Variants in UCHL5 observed in about 807,000 individuals in gnomAD.
UCHL5 encodes the protein ubiquitin carboxyl-terminal hydrolase isozyme L5.
In UCHL5, 34 loss-of-function variants were observed where a neutral mutation model predicts 53.8. The observed-to-expected ratio is 0.63, with a 90% CI of 0.48 to 0.84. The LOEUF is 0.84. Ranked by LOEUF, UCHL5 falls within the 40% of genes least tolerant of loss-of-function variation. UCHL5 has a pLI of 0.00. For missense variants in UCHL5, 290 were observed against 385.6 expected (o/e 0.75, Z 2.08); for synonymous variants, 111 against 126.3 (o/e 0.88, Z 0.81).
Position 193,049,828 on chromosome 1 carries a change from A to G in UCHL5, c.164T>C (p.Leu55Pro). The G allele has an allele frequency of 1.2e-6, 2 of 1,611,734 alleles. No individual in the cohort carries two copies. The highest frequency in any genetic ancestry group is 1.7e-6 in the Non-Finnish European group (2 of 1,178,390). Residue 55 changes from leucine (L) to proline (P), a missense_variant, in exon 3 of 11, where the codon CTT (leucine) becomes CCT (proline). Coordinates refer to ENST00000367454, the MANE Select transcript of UCHL5 (RefSeq NM_001199261.3). ...TTCTTCTCCTGGCTGCCACTTGAAAAGAAAAATTAACCCATGAACTGGCCT... is the reference window on the plus strand; with the variant it reads ...TTCTTCTCCTGGCTGCCACTTGAAAGGAAAAATTAACCCATGAACTGGCCT... ...KLKPVHGLIF[L>P]FKWQPGEEPA...
intron 10 of UCHL5, among the ~76,000 whole-genome samples, 174 bp downstream of exon 10, chr1:193,020,923 A>G (rs1656760818): frequency 6.6e-6 from 1 of 152,036 alleles, no homozygotes; most frequent in Admixed American, 6.6e-5. Flanking sequence ...TTTTTGTTTT[A>G]CAGTCTCAAT....
chr1:193,029,465 A>T lies in UCHL5; in HGVS notation c.373-16T>A. The T allele has an allele frequency of 1.2e-6, 2 of 1,613,396 alleles. No homozygotes were observed. Among genetic ancestry groups the T allele is most frequent in the Non-Finnish European group, 1.7e-6 (2 of 1,179,704 alleles). Reference sequence around the variant, plus strand: ...AGCCTTTCATCTAAAATAATTTTTTAAAGTAGCCTATTAATATACAAACTT... The same window carrying T: ...AGCCTTTCATCTAAAATAATTTTTTTAAGTAGCCTATTAATATACAAACTT... On this transcript the variant is annotated splice_polypyrimidine_tract_variant and intron_variant, in intron 4 of 10. Coordinates refer to ENST00000367454, the MANE Select transcript of UCHL5 (RefSeq NM_001199261.3).
At chr1:193,019,774 A>T in intron 10 of UCHL5, 2 of 740,418 alleles carry the variant, frequency 2.7e-6, no homozygotes, top group Non-Finnish European at 3.3e-6. Flanking sequence ...TGGTTCTTTT[A>T]CTTACTAATT....
rs1408168882 is a variant in UCHL5, at chr1:193,027,925, C to T, written c.629+160G>A. ...ATGGCTTGAGCTCAGGAGTCTGAGA[C>T]CAGCCTGGGCAACATGGTGAAAACC... On this transcript the variant is annotated intron_variant, in intron 7 of 10. Coordinates refer to ENST00000367454, the MANE Select transcript of UCHL5 (RefSeq NM_001199261.3). 14 of 1,473,730 alleles carry T rather than the reference C, an allele frequency of 9.5e-6. No homozygotes were observed. In the South Asian group the frequency reaches 1.4e-4, roughly 15 times the overall value. The allele number at this position is 1,473,730 out of a possible 1,614,324, so 91.3% of individuals were successfully genotyped here. A position where few individuals can be genotyped will look rare whatever the true frequency, so the allele number is the denominator to read the frequency against.
chr1:193,029,241 T>C lies in UCHL5; in HGVS notation c.503A>G (p.Tyr168Cys). ...KEEDAFHFVS[Y>C]VPVNGRLYEL... is the part of the protein sequence containing the mutation. ...ATACAGTCTCCCATTAACAGGAACA[T>C]AACTGACAAAGTGAAAAGCATCTTC... Residue 168 changes from tyrosine to cysteine, a missense_variant, in exon 6 of 11, where the codon TAT becomes TGT. Tyr to Cys is a radical substitution (Grantham distance 194, BLOSUM62 -2). Transcript: ENST00000367454. 6.2e-7 allele frequency: 1 copy of C among 1,613,894 alleles called. No homozygotes were observed. The highest frequency in any genetic ancestry group is 8.5e-7 in the Non-Finnish European group (1 of 1,179,840).
chr1:193,013,536 T>C lies in UCHL5; in HGVS notation c.*2815A>G, dbSNP rs1654457384. On this transcript the variant is annotated 3_prime_UTR_variant, in exon 11 of 11. Coordinates refer to ENST00000367454, the MANE Select transcript of UCHL5 (RefSeq NM_001199261.3). Reference sequence around the variant, plus strand: ...TGAGGAAAAAGGATCACTAAATACATAAAATGTTAATGTGCTCATCCCTGT... The same window carrying C: ...TGAGGAAAAAGGATCACTAAATACACAAAATGTTAATGTGCTCATCCCTGT... The C allele has an allele frequency of 6.6e-6, 1 of 152,178 alleles. No homozygotes were observed. Among genetic ancestry groups the C allele is most frequent in the African/African-American group, 2.4e-5 (1 of 41,444 alleles). 9.4% of individuals were successfully genotyped at this position (152,178 alleles called of 1,614,324 possible). A position where few individuals can be genotyped will look rare whatever the true frequency, so the allele number is the denominator to read the frequency against.
Position 193,051,696 on chromosome 1 carries a change from CTTTAAG to C in UCHL5, c.140+52_140+57del, listed in dbSNP as rs1669104449. 4 of 1,053,550 alleles carry C rather than the reference CTTTAAG, an allele frequency of 3.8e-6. No homozygotes were observed. In the East Asian group the frequency reaches 1.1e-4, roughly 30 times the overall value. 65.3% of individuals were successfully genotyped at this position (1,053,550 alleles called of 1,614,324 possible). On this transcript the variant is annotated intron_variant, in intron 2 of 10. Transcript: ENST00000367454. ...AAATAAACAAACAAATCTGAATATC[CTTTAAG>C]TTTGTTAAAGTATATATATATACAT...
chr1:193,040,769 A>G (rs1478271898), intron 3 of UCHL5, among the ~76,000 whole-genome samples: 3 of 152,254 alleles, frequency 2.0e-5, no homozygotes, highest in African/African-American at 7.2e-5. Flanking sequence ...ATGAATGGAT[A>G]AAGAAAATGT....
intron 1 of UCHL5, among the ~76,000 whole-genome samples, 183 bp from the exon 2 acceptor site, chr1:193,052,000 T>C (rs1669203246): frequency 6.6e-6 from 1 of 152,132 alleles, no homozygotes; most frequent in South Asian, 2.1e-4. Context: ...TGGGAGTATA[T>C]TTATAATTTA....
Position 193,015,213 on chromosome 1 carries a change from G to T in UCHL5, c.*1138C>A, listed in dbSNP as rs949001140. Reference sequence around the variant, plus strand: ...AATCCTTAAAAATGTGCTGAAGCTGGAAGATGGGTACACATTCTCCCTAAT... The same window carrying T: ...AATCCTTAAAAATGTGCTGAAGCTGTAAGATGGGTACACATTCTCCCTAAT... On this transcript the variant is annotated 3_prime_UTR_variant, in exon 11 of 11. Coordinates refer to ENST00000367454, the MANE Select transcript of UCHL5 (RefSeq NM_001199261.3). 27 of 151,966 alleles carry T rather than the reference G, an allele frequency of 1.8e-4. No homozygotes were observed. The highest frequency in any genetic ancestry group is 6.5e-4 in the African/African-American group (27 of 41,404). The allele number at this position is 151,966 out of a possible 1,614,324, so 9.4% of individuals were successfully genotyped here.
rs371687187 is a variant in UCHL5 at position 193,045,748 on chromosome 1, G to A, written c.246+3998C>T. Reference sequence around the variant, plus strand: ...TGTAAAAATATAAATTGTTTTCAGTGGTTATGTCTAAAGCAGAGATTACAA... The same window carrying A: ...TGTAAAAATATAAATTGTTTTCAGTAGTTATGTCTAAAGCAGAGATTACAA... On this transcript the variant is annotated intron_variant, in intron 3 of 10. Coordinates refer to ENST00000367454, the MANE Select transcript of UCHL5 (RefSeq NM_001199261.3). 1.2e-4 allele frequency among the ~76,000 whole-genome samples: 18 copies of A among 152,206 alleles called. No homozygotes were observed. In the East Asian group the frequency reaches 2.3e-3, roughly 20 times the overall value.
chr1:193,050,606 C>G (rs936417706), intron 2 of UCHL5, among the ~76,000 whole-genome samples: 1 of 151,984 alleles, frequency 6.6e-6, no homozygotes, highest in Admixed American at 6.6e-5. Context: ...ATTAGCCAGG[C>G]ATGGTGAAGC....
intron 3 of UCHL5, among the ~76,000 whole-genome samples, chr1:193,043,243 A>G (rs1238441092): frequency 6.7e-6 from 1 of 150,116 alleles, no homozygotes; most frequent in African/African-American, 2.5e-5. Flanking sequence ...TATCCTGGCT[A>G]ACATATTTCC....
chr1:193,043,151 TAAAAAAAAA>T (rs200951342), intron 3 of UCHL5, among the ~76,000 whole-genome samples: 1,575 of 36,514 alleles, frequency 0.043, 82 homozygotes, highest in African/African-American at 0.12. Flanking sequence ...TCTTGAATAT[TAAAAAAAAA>T]AAAAAAAAAA....
chr1:193,019,807 C>A, intron 10 of UCHL5: 7 of 918,120 alleles, frequency 7.6e-6, no homozygotes, highest in Non-Finnish European at 9.1e-6. Context: ...AAATTCTGTT[C>A]ACAGATCAAT....
intron 3 of UCHL5, among the ~76,000 whole-genome samples, chr1:193,029,877 A>C (rs1445094039): frequency 6.6e-6 from 1 of 152,166 alleles, no homozygotes. Flanking sequence ...GAACTCAATG[A>C]ACTCATAATA....
At chr1:193,041,649 C>T (rs767316878) in intron 3 of UCHL5, among the ~76,000 whole-genome samples, 1 of 152,132 alleles carries the variant, frequency 6.6e-6, no homozygotes, top group Admixed American at 6.6e-5. Context: ...GAAACTTGCA[C>T]ATGTACAAAA....
chr1:193,059,055 CA>C lies in UCHL5; in HGVS notation c.76+129del. ...GAGGGCAGAACATCTACATTTCCCC[CA>C]CCCGGACTCCAGGTTCCTGAAGTCA... On this transcript the variant is annotated intron_variant, in intron 1 of 10. Transcript: ENST00000367454. The surrounding 1 kb of genome is among the most constrained non-coding windows in gnomAD (Gnocchi z 4.9). 1 of 902,178 alleles carries C rather than the reference CA, an allele frequency of 1.1e-6. No individual in the cohort carries two copies. Among genetic ancestry groups the C allele is most frequent in the South Asian group, 1.9e-5 (1 of 52,958 alleles). The allele number at this position is 902,178 out of a possible 1,614,324, so 55.9% of individuals were successfully genotyped here.
intron 1 of UCHL5, chr1:193,057,366 G>A (rs1571982280): frequency 6.3e-6 from 1 of 159,108 alleles, no homozygotes; most frequent in East Asian, 1.8e-4. Flanking sequence ...GCGTGTTATG[G>A]ATGTATTTCT....
Sources: allele counts gnomAD v4.1 joint callset (sites outside exome capture counted in the v4.1 genomes callset), GRCh38; gene constraint gnomAD v4.1.1; non-coding constraint Gnocchi (gnomAD v3.1); transcripts MANE v1.5; gene names NCBI Gene and HGNC (gene_info 2026-07-23, HGNC 2026-07-21).